The following RCOR1 variants were observed in gnomAD, a reference collection of about 807,000 sequenced individuals.
RCOR1 encodes the protein REST corepressor 1.
RCOR1 carries 12 observed loss-of-function variants against 64.0 expected under a neutral mutation model. That is an observed-to-expected ratio of 0.19 (90% CI 0.12 to 0.30). The LOEUF (loss-of-function observed/expected upper bound fraction) is 0.30. RCOR1 is among the 10% of genes least tolerant of loss of function. The pLI is 1.00. For missense variants in RCOR1, 502 were observed against 621.2 expected (o/e 0.81, Z 2.04); for synonymous variants, 279 against 227.2 (o/e 1.23, Z -2.05).
rs570680189 is a variant in RCOR1, at chr14:102,657,493, A to G, written c.362-24402A>G. 8 of 983,958 alleles carry G rather than the reference A, an allele frequency of 8.1e-6. No homozygotes were observed. In the East Asian group the frequency reaches 7.9e-4, roughly 98 times the overall value. 61.0% of individuals were successfully genotyped at this position (983,958 alleles called of 1,614,324 possible). ...TTTTTGATATTAGAGATTTTGGTTTATTAATCTAGTGGAATTTTAAATATC... is the reference window on the plus strand; with the variant it reads ...TTTTTGATATTAGAGATTTTGGTTTGTTAATCTAGTGGAATTTTAAATATC... On this transcript the variant is annotated intron_variant, in intron 2 of 11. Transcript: ENST00000262241.
At chr14:102,676,062 G>T (rs1009669299) in intron 2 of RCOR1, among the ~76,000 whole-genome samples, 11 of 142,328 alleles carry the variant, frequency 7.7e-5, no homozygotes, top group African/African-American at 2.9e-4. Context: ...CAAGGCAGAA[G>T]AATTTTTCTT....
At chr14:102,604,031 A>G (rs142443630) in intron 2 of RCOR1, among the ~76,000 whole-genome samples, 4 of 152,282 alleles carry the variant, frequency 2.6e-5, no homozygotes, top group African/African-American at 9.6e-5. Context: ...ATAAAAATAC[A>G]TTCCTGACTG....
chr14:102,724,011 A>G (rs1004574528), intron 11 of RCOR1, among the ~76,000 whole-genome samples: 1 of 152,066 alleles, frequency 6.6e-6, no homozygotes, highest in South Asian at 2.1e-4. Flanking sequence ...TGGTTGACTG[A>G]CTTAAGTGAG....
intron 2 of RCOR1, among the ~76,000 whole-genome samples, chr14:102,625,877 G>C (rs909740397): frequency 6.6e-6 from 1 of 152,130 alleles, no homozygotes; most frequent in African/African-American, 2.4e-5. Context: ...GTGAATGACT[G>C]CATAGGTTGA....
At chr14:102,681,353 G>A (rs986250196) in intron 2 of RCOR1, among the ~76,000 whole-genome samples, 3 of 152,106 alleles carry the variant, frequency 2.0e-5, no homozygotes, top group South Asian at 2.1e-4. Context: ...AGCCGCTTGC[G>A]GTTAATTCAG....
At chr14:102,721,492 A>C in intron 10 of RCOR1, 115 bp downstream of exon 10, 1 of 682,840 alleles carries the variant, frequency 1.5e-6, no homozygotes, top group Non-Finnish European at 2.6e-6. Context: ...TCAAGGCTGC[A>C]TTGATCCATG....
rs1254427493 is a variant in RCOR1 at position 102,728,199 on chromosome 14, A to G, written c.*1693A>G. On this transcript the variant is annotated 3_prime_UTR_variant, in exon 12 of 12. Transcript: ENST00000262241. ...TTTTTTTTAGTATAGTCTGGAGAGA[A>G]AGGTCATTCAAAAGGAAAGTACAAT... 4 of 152,200 alleles carry G rather than the reference A, an allele frequency of 2.6e-5. No homozygotes were observed. Among genetic ancestry groups the G allele is most frequent in the African/African-American group, 9.7e-5 (4 of 41,410 alleles). 9.4% of individuals were successfully genotyped at this position (152,200 alleles called of 1,614,324 possible).
chr14:102,603,129 G>A (rs1259704225), intron 2 of RCOR1, among the ~76,000 whole-genome samples: 1 of 151,664 alleles, frequency 6.6e-6, no homozygotes, highest in Non-Finnish European at 1.5e-5. Flanking sequence ...GCCCAGGCTG[G>A]AGTGCAGTGG....
chr14:102,725,904 T>C (rs1396377657), intron 11 of RCOR1, among the ~76,000 whole-genome samples: 7 of 152,122 alleles, frequency 4.6e-5, no homozygotes, highest in Non-Finnish European at 8.8e-5. Context: ...CCTGGTGAAG[T>C]AGGTATTATC....
At chr14:102,595,681 G>A (rs897955896) in intron 2 of RCOR1, among the ~76,000 whole-genome samples, 1 of 151,504 alleles carries the variant, frequency 6.6e-6, no homozygotes, top group South Asian at 2.1e-4. Context: ...CCAGGTTCAC[G>A]CCATTCTCCT....
At position 102,617,594 on chromosome 14, in the gene RCOR1, T is replaced by C. The variant is rs894760665; in HGVS notation, c.361+24269T>C. 9.9e-4 allele frequency among the ~76,000 whole-genome samples: 147 copies of C among 148,268 alleles called. 1 individual carries two copies. The highest frequency in any genetic ancestry group is 1.4e-3 in the Non-Finnish European group (92 of 66,748). On this transcript the variant is annotated intron_variant, in intron 2 of 11. Coordinates refer to ENST00000262241, the MANE Select transcript of RCOR1 (RefSeq NM_015156.4). ...CGAAGACACTGTCTCTTTCTTTTTT[T>C]TTTTTTTTTTTTTTTGATGGAGTCT...
intron 3 of RCOR1, among the ~76,000 whole-genome samples, chr14:102,694,279 T>C (rs142394888): frequency 0.036 from 5,552 of 152,164 alleles, 191 homozygotes; most frequent in African/African-American, 0.087. Flanking sequence ...TTTTTTGAGA[T>C]GGAGTCTTGC....
At chr14:102,673,947 T>G (rs1170677308) in intron 2 of RCOR1, among the ~76,000 whole-genome samples, 1 of 152,238 alleles carries the variant, frequency 6.6e-6, no homozygotes, top group Non-Finnish European at 1.5e-5. Context: ...TTTCCTCTAT[T>G]TTTGTCCTAT....
chr14:102,626,523 GATTT>G, intron 2 of RCOR1, among the ~76,000 whole-genome samples: 1 of 152,318 alleles, frequency 6.6e-6, no homozygotes, highest in South Asian at 2.1e-4. Flanking sequence ...ATGGCTGAGA[GATTT>G]ATTTGTTGGC....
intron 2 of RCOR1, among the ~76,000 whole-genome samples, chr14:102,672,984 A>G (rs1393285169): frequency 1.3e-5 from 2 of 152,230 alleles, no homozygotes; most frequent in Non-Finnish European, 2.9e-5. Context: ...AGGTAACATC[A>G]AATCATACAG....
intron 5 of RCOR1, 78 bp from the exon 6 acceptor site, chr14:102,708,387 G>T (rs796907404): frequency 4.7e-6 from 4 of 848,048 alleles, no homozygotes; most frequent in Non-Finnish European, 3.9e-6. Flanking sequence ...GGCGTGAGCC[G>T]CTGCGCCCGG....
intron 3 of RCOR1, among the ~76,000 whole-genome samples, chr14:102,697,574 G>A (rs890440321): frequency 5.9e-5 from 9 of 152,148 alleles, no homozygotes; most frequent in Non-Finnish European, 1.2e-4. Context: ...CCTTTTACAG[G>A]TTAGAGGGCT....
At position 102,681,963 on chromosome 14, in the gene RCOR1, C is replaced by T; in HGVS notation, c.430C>T (p.Leu144=). 1 of 1,612,880 alleles carries T rather than the reference C, an allele frequency of 6.2e-7. No individual in the cohort carries two copies. The highest frequency in any genetic ancestry group is 8.5e-7 in the Non-Finnish European group (1 of 1,178,890). ...GMLVWSPNQN[L]SEAKLDEYIA... is the part of the protein sequence containing the mutation. Reference sequence around the variant, plus strand: ...GTTGGTCTGGTCACCCAATCAAAATCTGTCAGAAGCAAAGTGTAAGTCTTG... The same window carrying T: ...GTTGGTCTGGTCACCCAATCAAAATTTGTCAGAAGCAAAGTGTAAGTCTTG... Residue 144 remains leucine, a synonymous_variant, in exon 3 of 12, where the codon CTG becomes TTG. Transcript: ENST00000262241.
At chr14:102,633,263 T>C (rs1894165632) in intron 2 of RCOR1, among the ~76,000 whole-genome samples, 1 of 152,106 alleles carries the variant, frequency 6.6e-6, no homozygotes, top group Non-Finnish European at 1.5e-5. Context: ...GAAAGTACAA[T>C]TGGGAAGATA....
Sources: allele counts gnomAD v4.1 joint callset (sites outside exome capture counted in the v4.1 genomes callset), GRCh38; gene constraint gnomAD v4.1.1; transcripts MANE v1.5; gene names NCBI Gene and HGNC (gene_info 2026-07-23, HGNC 2026-07-21).